Variants in NME8 observed in about 807,000 individuals in gnomAD.
NME8 encodes NME/NM23 family member 8, also known as protein NME8.
A neutral mutation model predicts 82.3 loss-of-function variants in NME8; 72 were observed. The ratio of observed to expected loss-of-function variants is 0.87; its 90% CI spans 0.72 to 1.06. NME8 has a LOEUF of 1.06. Among genes scored for constraint, NME8 ranks in the 50% least tolerant of loss-of-function variants. The pLI is 0.00. For synonymous variants in NME8, 267 were observed against 228.5 expected (o/e 1.17, Z -1.52); for missense variants, 712 against 685.4 (o/e 1.04, Z -0.43).
chr7:37,884,586 C>A, intron 13 of NME8, 139 bp downstream of exon 13: 1 of 697,972 alleles, frequency 1.4e-6, no homozygotes, highest in Non-Finnish European at 2.5e-6. Flanking sequence ...ACCAGTCCTG[C>A]TCCCATCCCA....
chr7:37,899,519 C>G (rs1785281708), intron 17 of NME8, among the ~76,000 whole-genome samples: 2 of 151,882 alleles, frequency 1.3e-5, no homozygotes, highest in Admixed American at 6.6e-5. Flanking sequence ...CACACTAGAG[C>G]CTGTCGGTGG....
chr7:37,869,899 C>G (rs1784742860), intron 11 of NME8, among the ~76,000 whole-genome samples: 1 of 152,142 alleles, frequency 6.6e-6, no homozygotes, highest in African/African-American at 2.4e-5. Context: ...GGCCAGCAGT[C>G]TCTCTCAAAG....
chr7:37,855,858 A>G (rs915925527), intron 5 of NME8, among the ~76,000 whole-genome samples: 60 of 152,130 alleles, frequency 3.9e-4, no homozygotes, highest in Non-Finnish European at 7.2e-4. Context: ...TCAGTGTGAG[A>G]TAAAAAGGTA....
intron 11 of NME8, among the ~76,000 whole-genome samples, chr7:37,868,774 A>G (rs1161243051): frequency 2.0e-5 from 3 of 152,182 alleles, no homozygotes; most frequent in Non-Finnish European, 4.4e-5. Flanking sequence ...AACATGAAAC[A>G]TGCACTTTTA....
intron 7 of NME8, among the ~76,000 whole-genome samples, chr7:37,862,397 T>C (rs1784610337): frequency 6.6e-6 from 1 of 152,224 alleles, no homozygotes; most frequent in Admixed American, 6.5e-5. Flanking sequence ...TATATTTATA[T>C]ACATAAAAAT....
Position 37,876,884 on chromosome 7 carries a change from G to A in NME8, c.871G>A (p.Glu291Lys). ...QHLAQLCDIE[E>K]DAANVAKFMD... ...TTTAGCTCAGCTCTGTGACATTGAA[G>A]AGGATGCAGCTAATGTTGCTAAGTT... Residue 291 changes from glutamate to lysine, a missense_variant, in exon 12 of 18, where the codon GAG becomes AAG. Coordinates refer to ENST00000199447, the MANE Select transcript of NME8 (RefSeq NM_016616.5). 6.2e-7 allele frequency: 1 copy of A among 1,613,114 alleles called. No homozygotes were observed. Among genetic ancestry groups the A allele is most frequent in the Non-Finnish European group, 8.5e-7 (1 of 1,179,380 alleles).
intron 12 of NME8, 130 bp downstream of exon 12, chr7:37,877,137 G>C (rs1048513766): frequency 4.1e-6 from 3 of 724,354 alleles, no homozygotes; most frequent in Non-Finnish European, 7.1e-6. Flanking sequence ...AGAAATTAAT[G>C]TATTAACTTA....
At chr7:37,864,859 A>G (rs958119930) in intron 9 of NME8, among the ~76,000 whole-genome samples, 2 of 152,138 alleles carry the variant, frequency 1.3e-5, no homozygotes, top group African/African-American at 4.8e-5. Flanking sequence ...TGTGCAAGAA[A>G]TCTTCCATTT....
At chr7:37,889,196 C>T (rs1785091480) in intron 15 of NME8, among the ~76,000 whole-genome samples, 1 of 151,748 alleles carries the variant, frequency 6.6e-6, no homozygotes, top group African/African-American at 2.4e-5. Context: ...GTTATCTATT[C>T]CAGCTATGTA....
intron 14 of NME8, among the ~76,000 whole-genome samples, chr7:37,887,328 A>G (rs1255723603): frequency 6.6e-6 from 1 of 152,172 alleles, no homozygotes; most frequent in Non-Finnish European, 1.5e-5. Context: ...GTTTCCCTTC[A>G]GTATCTTCTG....
intron 6 of NME8, 47 bp downstream of exon 6, chr7:37,857,392 A>G (rs1583627098): frequency 8.0e-7 from 1 of 1,246,164 alleles, no homozygotes; most frequent in African/African-American, 1.5e-5. Context: ...TCCAGTTTGC[A>G]GTTAAGAACA....
intron 11 of NME8, among the ~76,000 whole-genome samples, chr7:37,871,298 G>C (rs1222526905): frequency 6.6e-6 from 1 of 152,164 alleles, no homozygotes; most frequent in Non-Finnish European, 1.5e-5. Flanking sequence ...GAAGGGTGGG[G>C]GAAGAGCCAG....
intron 12 of NME8, 147 bp from the exon 13 acceptor site, chr7:37,884,156 A>G: frequency 4.8e-6 from 3 of 624,344 alleles, no homozygotes; most frequent in Non-Finnish European, 8.6e-6. Flanking sequence ...ACCTTAAATT[A>G]AAACCTAAGA....
Position 37,850,662 on chromosome 7 carries a change from G to A in NME8, c.125G>A (p.Cys42Tyr). Residue 42 changes from cysteine (C) to tyrosine (Y), a missense_variant, in exon 5 of 18, where the codon TGC (cysteine) becomes TAC (tyrosine). Coordinates refer to ENST00000199447, the MANE Select transcript of NME8 (RefSeq NM_016616.5). ...IDVYQAWCGP[C>Y]RAMQPLFRKL... ...GTTTACCAAGCCTGGTGTGGACCTT[G>A]CAGAGCAATGCAACCTTTATTCAGA... 1 of 1,613,184 alleles carries A rather than the reference G, an allele frequency of 6.2e-7. No individual in the cohort carries two copies. Among genetic ancestry groups the A allele is most frequent in the Non-Finnish European group, 8.5e-7 (1 of 1,179,116 alleles).
chr7:37,866,948 ACAAT>A lies in NME8; in HGVS notation c.622-749_622-746del, dbSNP rs375282618. ...CTTCCAGGTCTTAGGTAGATAAGAG[ACAAT>A]CAATAGCATTCTTCTGAGTCTCTGA... On this transcript the variant is annotated intron_variant, in intron 10 of 17. Coordinates refer to ENST00000199447, the MANE Select transcript of NME8 (RefSeq NM_016616.5). 3.5e-3 allele frequency among the ~76,000 whole-genome samples: 531 copies of A among 152,308 alleles called. 2 individuals carry two copies. The highest frequency in any genetic ancestry group is 0.012 in the African/African-American group (515 of 41,546).
intron 12 of NME8, among the ~76,000 whole-genome samples, chr7:37,881,140 C>T (rs1784938845): frequency 6.6e-6 from 1 of 152,066 alleles, no homozygotes; most frequent in East Asian, 1.9e-4. Context: ...AATCAGTATA[C>T]CTTTTATTTC....
chr7:37,894,794 T>C (rs10276848), intron 16 of NME8, among the ~76,000 whole-genome samples, 184 bp downstream of exon 16: 1 of 152,030 alleles, frequency 6.6e-6, no homozygotes, highest in Non-Finnish European at 1.5e-5. Context: ...TTCTTTTCTC[T>C]CTCTCATTCT....
chr7:37,859,325 T>C (rs993221624), intron 6 of NME8, among the ~76,000 whole-genome samples: 1 of 152,162 alleles, frequency 6.6e-6, no homozygotes, highest in Non-Finnish European at 1.5e-5. Flanking sequence ...CTAATGCTTA[T>C]TCTTTGTCAC....
In NME8 at chr7:37,894,513, G is replaced by A; in HGVS notation, c.1447G>A (p.Val483Met). Residue 483 changes from valine (V) to methionine (M), a missense_variant, in exon 16 of 18, where the codon GTG (valine) becomes ATG (methionine). Transcript: ENST00000199447. Reference protein sequence around the residue: ...VKEAGFDLTQVKKMFLTPEQI... With the variant: ...VKEAGFDLTQMKKMFLTPEQI... ...GGAGGCTGGATTTGATCTGACACAG[G>A]TGAAGAAAATGTTCCTAACTCCTGA... The A allele has an allele frequency of 6.2e-7, 1 of 1,613,026 alleles. No individual in the cohort carries two copies. The highest frequency in any genetic ancestry group is 8.5e-7 in the Non-Finnish European group (1 of 1,179,324).
Sources: gnomAD v4.1 joint callset for allele counts (sites outside exome capture counted in the v4.1 genomes callset) on GRCh38, gnomAD v4.1.1 for gene constraint, MANE v1.5 for transcripts, NCBI Gene and HGNC (gene_info 2026-07-23, HGNC 2026-07-21) for gene names.